HTT: variants seen among roughly 807,000 people sequenced by gnomAD.
HTT encodes the protein huntingtin.
HTT carries 104 observed loss-of-function variants against 362.3 expected under a neutral mutation model. The observed-to-expected ratio is 0.29, with a 90% CI of 0.24 to 0.34. HTT has a LOEUF of 0.34. Among genes scored for constraint, HTT ranks in the 10% least tolerant of loss-of-function variants. The probability of loss-of-function intolerance (pLI) is 1.00; values close to 1 mark genes in which losing one functional copy is unlikely to be tolerated. For missense variants in HTT, 3,301 were observed against 3,928.6 expected, an observed-to-expected ratio of 0.84 and a Z score of 4.27; for synonymous variants, 1,577 against 1,548.7, an observed-to-expected ratio of 1.02 and a Z score of -0.43.
intron 36 of HTT, among the ~76,000 whole-genome samples, chr4:3,181,631 C>T (rs758555689): frequency 2.6e-5 from 4 of 152,110 alleles, no homozygotes; most frequent in Non-Finnish European, 4.4e-5. Context: ...AGAAGCAGCA[C>T]TTTCTTTGTT....
chr4:3,113,084 A>G (rs1437321102), intron 6 of HTT: 2 of 891,032 alleles, frequency 2.2e-6, no homozygotes, highest in African/African-American at 1.8e-5. Context: ...AAGTGGCACT[A>G]TCTATTCTAA....
Position 3,238,972 on chromosome 4 carries a change from C to T in HTT, c.9209C>T (p.Ala3070Val), listed in dbSNP as rs746808887. 4.9e-5 allele frequency: 79 copies of T among 1,604,538 alleles called. No individual in the cohort carries two copies. The highest frequency in any genetic ancestry group is 3.3e-4 in the South Asian group (30 of 89,744). ...AGCGCGTCCACCAGCCCGTGGGTCG[C>T]GGCGATGTATCCTCTCTGGGTCCCT... ...FVSASTSPWV[A>V]AILPHVISRM... is the part of the protein sequence containing the mutation. Residue 3070 changes from alanine to valine, a missense_variant, in exon 66 of 67, where the codon GCG becomes GTG. Transcript: ENST00000355072.
At position 3,135,951 on chromosome 4, in the gene HTT, C is replaced by A; in HGVS notation, c.2681C>A (p.Ala894Asp). 1.2e-6 allele frequency: 2 copies of A among 1,603,468 alleles called. 1 individual carries two copies. The highest frequency in any genetic ancestry group is 2.3e-5 in the South Asian group (2 of 88,742). ...EAKAENLHRG[A>D]HHYTGLLKLQ... ...AAAGCAGAAAACTTACACAGAGGGGCTCATCATTATACAGGGGTAAGCGGT... is the reference window on the plus strand; with the variant it reads ...AAAGCAGAAAACTTACACAGAGGGGATCATCATTATACAGGGGTAAGCGGT... The change falls in exon 20 of 67, where the codon GCT (alanine) becomes GAT (aspartate). Residue 894 changes from alanine to aspartate, a missense_variant. By Grantham distance (126) the Ala-to-Asp change is moderately radical (BLOSUM62 -2). Around this residue, in one of 4 missense-constraint regions of HTT, gnomAD observed 2,316 missense variants for 2,658.5 expected, o/e 0.87. Coordinates refer to ENST00000355072, the MANE Select transcript of HTT (RefSeq NM_001388492.1).
At position 3,199,979 on chromosome 4, in the gene HTT, G is replaced by A. The variant is rs374793792; in HGVS notation, c.5576+40G>A. ...CCCCACAGCCCAGGGCGCCAGCCCA[G>A]CACCCTGTCCTGAGACTCCCAGTAA... is the stretch of plus-strand genomic sequence containing the variant. On this transcript the variant is annotated intron_variant, in intron 41 of 66. Coordinates refer to ENST00000355072, the MANE Select transcript of HTT (RefSeq NM_001388492.1). 53 of 1,553,984 alleles carry A rather than the reference G, an allele frequency of 3.4e-5. No homozygotes were observed. The African/African-American group carries it at 6.0e-4, about 18-fold the overall frequency.
rs1413876966 is a variant in HTT at position 3,208,824 on chromosome 4, A to G, written c.6204A>G (p.Gln2068=). Residue 2068 remains glutamine, a synonymous_variant, in exon 46 of 67, where the codon CAA becomes CAG. Transcript: ENST00000355072. The part of the protein sequence containing the change: ...LLDRFRLSTM[Q]DSLSPSPPVS... Reference sequence around the variant, plus strand: ...ACAGGTTTCGTCTCTCCACCATGCAAGACTCACTTAGTCCCTCTCCTCCAG... The same window carrying G: ...ACAGGTTTCGTCTCTCCACCATGCAGGACTCACTTAGTCCCTCTCCTCCAG... The G allele has an allele frequency of 6.2e-7, 1 of 1,613,988 alleles. No individual in the cohort carries two copies. Among genetic ancestry groups the G allele is most frequent in the African/African-American group, 1.3e-5 (1 of 74,908 alleles).
intron 36 of HTT, among the ~76,000 whole-genome samples, chr4:3,181,807 G>A (rs759114902): frequency 2.4e-4 from 36 of 151,860 alleles, no homozygotes; most frequent in Non-Finnish European, 4.7e-4. Context: ...GGGTGTCATG[G>A]AGAGGAGTTC....
chr4:3,208,656 A>G (rs1194445294), intron 45 of HTT, 117 bp from the exon 46 acceptor site: 16 of 944,296 alleles, frequency 1.7e-5, no homozygotes, highest in Non-Finnish European at 2.1e-5. Context: ...AGAAGCCACT[A>G]ATAGTGCATC....
chr4:3,126,944 A>G (rs1418403382), intron 11 of HTT, among the ~76,000 whole-genome samples: 1 of 152,194 alleles, frequency 6.6e-6, no homozygotes, highest in African/African-American at 2.4e-5. Flanking sequence ...CTGCCCCTTA[A>G]TTACAAATGT....
intron 59 of HTT, among the ~76,000 whole-genome samples, chr4:3,229,618 C>G (rs1721141126): frequency 6.6e-6 from 1 of 151,838 alleles, no homozygotes; most frequent in Admixed American, 6.6e-5. Context: ...ACACCACTTG[C>G]ACACCACGCA....
Position 3,122,940 on chromosome 4 carries a change from A to G in HTT, c.1321+4A>G. The G allele has an allele frequency of 3.1e-6, 5 of 1,608,678 alleles. No individual in the cohort carries two copies. Among genetic ancestry groups the G allele is most frequent in the Non-Finnish European group, 4.2e-6 (5 of 1,176,612 alleles). On this transcript the variant is annotated splice_donor_region_variant and intron_variant, in intron 10 of 66. Coordinates refer to ENST00000355072, the MANE Select transcript of HTT (RefSeq NM_001388492.1). The stretch of plus-strand genomic sequence containing the variant: ...GTCCTTTCAAGAAAACAAAAAGGTG[A>G]TTATTTCAGAAATCAGAGTCTTGTG...
intron 27 of HTT, among the ~76,000 whole-genome samples, chr4:3,155,949 A>T (rs1416723132): frequency 6.6e-6 from 1 of 152,042 alleles, no homozygotes; most frequent in Non-Finnish European, 1.5e-5. Flanking sequence ...TGGCTAATTA[A>T]CCTGTGCATC....
At chr4:3,092,393 AT>A (rs1316018550) in intron 2 of HTT, among the ~76,000 whole-genome samples, 1 of 151,964 alleles carries the variant, frequency 6.6e-6, no homozygotes, top group African/African-American at 2.4e-5. Context: ...TATTAAAAAA[AT>A]TTTTTTTAGA....
At chr4:3,145,650 T>C (rs900159113) in intron 24 of HTT, among the ~76,000 whole-genome samples, 1 of 152,238 alleles carries the variant, frequency 6.6e-6, no homozygotes, top group African/African-American at 2.4e-5. Flanking sequence ...TATTTAAAAA[T>C]GATTTTCCTC....
At chr4:3,215,522 G>C (rs1449786662) in intron 51 of HTT, among the ~76,000 whole-genome samples, 2 of 152,144 alleles carry the variant, frequency 1.3e-5, no homozygotes, top group Non-Finnish European at 2.9e-5. Context: ...AGATCCTTGA[G>C]GGCAGGGAAC....
At chr4:3,163,140 T>C (rs1216459341) in intron 29 of HTT, among the ~76,000 whole-genome samples, 1 of 152,234 alleles carries the variant, frequency 6.6e-6, no homozygotes, top group Non-Finnish European at 1.5e-5. Flanking sequence ...CATGAAAGGC[T>C]GTTGAATTTT....
At chr4:3,179,348 C>T (rs1718387298) in intron 35 of HTT, among the ~76,000 whole-genome samples, 1 of 152,146 alleles carries the variant, frequency 6.6e-6, no homozygotes, top group East Asian at 1.9e-4. Flanking sequence ...CTTGGAGGGT[C>T]TTTGGACAGA....
At chr4:3,179,633 T>G (rs1718405777) in intron 35 of HTT, among the ~76,000 whole-genome samples, 1 of 149,942 alleles carries the variant, frequency 6.7e-6, no homozygotes, top group African/African-American at 2.5e-5. Flanking sequence ...GGGGTCAGAG[T>G]GTGCCTGTGT....
chr4:3,115,461 A>G lies in HTT; in HGVS notation c.889+16A>G, dbSNP rs546338241. 23 of 1,598,438 alleles carry G rather than the reference A, an allele frequency of 1.4e-5. No homozygotes were observed. The East Asian group carries it at 2.2e-4, about 16-fold the overall frequency. On this transcript the variant is annotated intron_variant, in intron 7 of 66. Transcript: ENST00000355072. The stretch of plus-strand genomic sequence containing the variant: ...GTGCTCTTAGGTAAGGTGGAGGCAT[A>G]TGAGTGGAAGAGTCTCCAGCATGTA...
At chr4:3,216,979 C>G (rs61790486) in intron 51 of HTT, among the ~76,000 whole-genome samples, 1,968 of 151,176 alleles carry the variant, frequency 0.013, 29 homozygotes, top group Middle Eastern at 0.055. Context: ...GAGCCGAGAT[C>G]CCGCCACTGC....
Sources: gnomAD v4.1 joint callset for allele counts (sites outside exome capture counted in the v4.1 genomes callset) on GRCh38, gnomAD v4.1.1 for gene constraint, gnomAD v4.1.1 regional missense constraint, MANE v1.5 for transcripts, NCBI Gene and HGNC (gene_info 2026-07-23, HGNC 2026-07-21) for gene names.